SLC25A33: variants seen among roughly 807,000 people sequenced by gnomAD.
The protein encoded by SLC25A33 is solute carrier family 25 member 33.
SLC25A33 carries 15 observed loss-of-function variants against 35.5 expected under a neutral mutation model. The ratio of observed to expected loss-of-function variants is 0.42; its 90% CI spans 0.28 to 0.65. The LOEUF is 0.65. Ranked by LOEUF, SLC25A33 falls within the 30% of genes least tolerant of loss-of-function variation. The pLI is 0.20. For missense variants in SLC25A33, 257 were observed against 398.5 expected, an observed-to-expected ratio of 0.64 and a Z score of 3.02; for synonymous variants, 136 against 148.7, an observed-to-expected ratio of 0.91 and a Z score of 0.62.
chr1:9,561,149 T>C (rs1643418480), intron 2 of SLC25A33, among the ~76,000 whole-genome samples: 1 of 152,048 alleles, frequency 6.6e-6, no homozygotes, highest in Non-Finnish European at 1.5e-5. Flanking sequence ...TCAGCGGTAT[T>C]AGCCAGGATG....
chr1:9,546,352 T>A (rs967558097), intron 1 of SLC25A33, among the ~76,000 whole-genome samples: 8 of 151,792 alleles, frequency 5.3e-5, no homozygotes, highest in African/African-American at 9.7e-5. Flanking sequence ...ACCTGGCTAA[T>A]TTTTTGTATT....
In SLC25A33 at chr1:9,553,634, G is replaced by T. The variant is rs1244974935; in HGVS notation, c.65G>T (p.Gly22Val). 6.2e-7 allele frequency: 1 copy of T among 1,613,090 alleles called. No individual in the cohort carries two copies. The highest frequency in any genetic ancestry group is 1.7e-5 in the Admixed American group (1 of 60,014). The change falls in exon 2 of 7, where the codon GGC becomes GTC. Residue 22 changes from glycine to valine, a missense_variant. Transcript: ENST00000302692. ...LLHLFAGGCG[G>V]TVGAIFTCPL... ...TTTGGTTTCCCTTACAGGTGTGGAG[G>T]CACAGTTGGTGCTATTTTCACTTGT...
intron 2 of SLC25A33, among the ~76,000 whole-genome samples, chr1:9,564,739 A>AATATATATATATATATATATATATAT (rs70979762): frequency 8.3e-5 from 8 of 96,528 alleles, no homozygotes; most frequent in South Asian, 3.1e-4. Context: ...AAAAAAAAAA[A>AATATATATATATATATATATATATAT]ATATATATAT....
At chr1:9,543,903 C>G (rs1022010396) in intron 1 of SLC25A33, among the ~76,000 whole-genome samples, 4 of 152,002 alleles carry the variant, frequency 2.6e-5, no homozygotes, top group African/African-American at 9.7e-5. Flanking sequence ...GTCAGGAGTT[C>G]GAGACCAGCC....
Position 9,573,334 on chromosome 1 carries a change from T to C in SLC25A33, c.416-12T>C. 1 of 1,595,294 alleles carries C rather than the reference T, an allele frequency of 6.3e-7. No homozygotes were observed. The highest frequency in any genetic ancestry group is 8.6e-7 in the Non-Finnish European group (1 of 1,167,384). On this transcript the variant is annotated splice_polypyrimidine_tract_variant and intron_variant, in intron 4 of 6. Transcript: ENST00000302692. ...GTACAGTGTTGACCTTTACTGTTTTTTTTTTTTCCAGCTTTTATCACAAAT... is the reference window on the plus strand; with the variant it reads ...GTACAGTGTTGACCTTTACTGTTTTCTTTTTTTCCAGCTTTTATCACAAAT...
chr1:9,573,516 C>G (rs895293141), intron 5 of SLC25A33, 104 bp downstream of exon 5: 13 of 911,746 alleles, frequency 1.4e-5, no homozygotes, highest in African/African-American at 8.4e-5. Context: ...AGATGTACCC[C>G]CCTCCTCGTT....
intron 2 of SLC25A33, among the ~76,000 whole-genome samples, chr1:9,564,765 T>TATATACATAC (rs59741987): frequency 8.7e-6 from 1 of 114,840 alleles, no homozygotes; most frequent in Admixed American, 9.3e-5. Context: ...TATATATATA[T>TATATACATAC]ACACAAAAAT....
chr1:9,576,738 G>A, intron 5 of SLC25A33: 2 of 854,210 alleles, frequency 2.3e-6, no homozygotes, highest in African/African-American at 1.9e-5. Flanking sequence ...AGGAGGATGG[G>A]TCTCTTGTTG....
chr1:9,567,867 T>C (rs183404211), intron 3 of SLC25A33, among the ~76,000 whole-genome samples: 1 of 152,346 alleles, frequency 6.6e-6, no homozygotes, highest in East Asian at 1.9e-4. Flanking sequence ...GTTTGAAATA[T>C]ACAGAACTGT....
rs1476093021 is a variant in SLC25A33, at chr1:9,559,012, T to C, written c.236+5207T>C. On this transcript the variant is annotated intron_variant, in intron 2 of 6. Transcript: ENST00000302692. ...TTCCCCTTTGCCTCTCCAGCCTCCT[T>C]TTTGTTCCTTTAAAAGGCCAGGAAC... Among the ~76,000 whole-genome samples, 4 of 152,292 alleles carry C rather than the reference T, an allele frequency of 2.6e-5. No individual in the cohort carries two copies. In the East Asian group the frequency reaches 7.7e-4, roughly 29 times the overall value.
chr1:9,571,484 A>G (rs867278280), intron 4 of SLC25A33, among the ~76,000 whole-genome samples: 3 of 152,090 alleles, frequency 2.0e-5, no homozygotes, highest in Middle Eastern at 3.4e-3. Flanking sequence ...TAGTAGAGGC[A>G]GGGTTTCACC....
intron 5 of SLC25A33, chr1:9,576,323 A>C: frequency 3.0e-6 from 1 of 331,898 alleles, no homozygotes; most frequent in East Asian, 7.6e-5. Context: ...CACCCAGTAC[A>C]GGTTGGGTTA....
In SLC25A33 at chr1:9,550,025, T is replaced by A. The variant is rs1403862214; in HGVS notation, c.57-3601T>A. Among the ~76,000 whole-genome samples, 419 of 109,374 alleles carry A rather than the reference T, an allele frequency of 3.8e-3. 11 individuals carry two copies. Among genetic ancestry groups the A allele is most frequent in the African/African-American group, 0.016 (395 of 25,114 alleles). 71.8% of individuals were successfully genotyped at this position (109,374 alleles called of 152,430 possible). A position where few individuals can be genotyped will look rare whatever the true frequency, so the allele number is the denominator to read the frequency against. ...TATATATATATATTTTTTTTTTTTT[T>A]TTTTTTTTTTTTTGAGACGGGGTCT... On this transcript the variant is annotated intron_variant, in intron 1 of 6. Transcript: ENST00000302692.
At chr1:9,546,113 T>C (rs1447038863) in intron 1 of SLC25A33, among the ~76,000 whole-genome samples, 1 of 151,964 alleles carries the variant, frequency 6.6e-6, no homozygotes, top group Non-Finnish European at 1.5e-5. Context: ...TGTTCCTAGC[T>C]TTCCTCCACT....
rs568270640 is a variant in SLC25A33, at chr1:9,576,741, T to A, written c.483-3213T>A. On this transcript the variant is annotated intron_variant, in intron 5 of 6. Coordinates refer to ENST00000302692, the MANE Select transcript of SLC25A33 (RefSeq NM_032315.3). The stretch of plus-strand genomic sequence containing the variant: ...ACATTGTTATCCAGGAGGATGGGTC[T>A]CTTGTTGAAATCCGAAATTTCTTGG... The A allele has an allele frequency of 2.2e-5, 20 of 898,978 alleles. 1 individual carries two copies. In the Admixed American group the frequency reaches 2.6e-4, roughly 12 times the overall value. 55.7% of individuals were successfully genotyped at this position (898,978 alleles called of 1,614,324 possible).
chr1:9,570,497 C>A, intron 4 of SLC25A33, 139 bp downstream of exon 4: 1 of 694,870 alleles, frequency 1.4e-6, no homozygotes, highest in Non-Finnish European at 2.4e-6. Flanking sequence ...CTTTATGTTA[C>A]AACCAATAGG....
intron 5 of SLC25A33, among the ~76,000 whole-genome samples, chr1:9,579,262 C>T (rs1430726894): frequency 1.3e-5 from 2 of 152,170 alleles, no homozygotes; most frequent in East Asian, 1.9e-4. Flanking sequence ...TCACTTCCGA[C>T]ACTGTCTACC....
chr1:9,581,132 C>G (rs1173374973), intron 6 of SLC25A33, among the ~76,000 whole-genome samples: 1 of 151,982 alleles, frequency 6.6e-6, no homozygotes, highest in Non-Finnish European at 1.5e-5. Context: ...CTAAGCTGAC[C>G]CCAGAGGACA....
chr1:9,571,641 G>C (rs1025209725), intron 4 of SLC25A33, among the ~76,000 whole-genome samples: 4 of 149,306 alleles, frequency 2.7e-5, no homozygotes. Context: ...TTTTTAATTG[G>C]TATTGTTTTG....
Sources: allele counts gnomAD v4.1 joint callset (sites outside exome capture counted in the v4.1 genomes callset), GRCh38; gene constraint gnomAD v4.1.1; transcripts MANE v1.5; gene names NCBI Gene and HGNC (gene_info 2026-07-23, HGNC 2026-07-21).